Variants in JAKMIP1 observed in about 807,000 individuals in gnomAD.
JAKMIP1 encodes janus kinase and microtubule interacting protein 1, also known as janus kinase and microtubule-interacting protein 1.
In JAKMIP1, 33 loss-of-function variants were observed where a neutral mutation model predicts 113.0. The ratio of observed to expected loss-of-function variants is 0.29; its 90% CI spans 0.22 to 0.39. The LOEUF (loss-of-function observed/expected upper bound fraction) is 0.39, where lower values mean the gene tolerates loss of function less well. Ranked by LOEUF, JAKMIP1 falls within the 10% of genes least tolerant of loss-of-function variation. The probability of loss-of-function intolerance (pLI) is 1.00; values close to 1 mark genes in which losing one functional copy is unlikely to be tolerated. For synonymous variants in JAKMIP1, 480 were observed against 459.9 expected (o/e 1.04, Z -0.56); for missense variants, 813 against 1,080.5 (o/e 0.75, Z 3.47).
intron 3 of JAKMIP1, among the ~76,000 whole-genome samples, chr4:6,092,710 C>A (rs1037366828): frequency 3.9e-5 from 6 of 152,164 alleles, no homozygotes; most frequent in African/African-American, 1.4e-4. Flanking sequence ...AATAGAAAAC[C>A]TTTTCAGTGT....
chr4:6,077,649 A>AT (rs1460397453), intron 8 of JAKMIP1, among the ~76,000 whole-genome samples: 2 of 151,492 alleles, frequency 1.3e-5, no homozygotes, highest in East Asian at 1.9e-4. Context: ...CATCCAGCTA[A>AT]TTTTTTTAAT....
At chr4:6,073,594 G>C (rs2108807659) in intron 8 of JAKMIP1, among the ~76,000 whole-genome samples, 1 of 152,292 alleles carries the variant, frequency 6.6e-6, no homozygotes, top group African/African-American at 2.4e-5. Flanking sequence ...GAAAGTTATT[G>C]AGCTATAAGG....
intron 1 of JAKMIP1, among the ~76,000 whole-genome samples, chr4:6,170,332 T>C (rs1329165763): frequency 6.1e-4 from 30 of 48,862 alleles, no homozygotes; most frequent in African/African-American, 8.6e-4. Flanking sequence ...TCACCACCAC[T>C]CTCCCCACCC....
chr4:6,151,093 C>T (rs972383834), intron 1 of JAKMIP1, among the ~76,000 whole-genome samples: 3 of 152,188 alleles, frequency 2.0e-5, no homozygotes, highest in African/African-American at 7.2e-5. Context: ...GGCCCAAGTA[C>T]TCTGGTCTGG....
chr4:6,050,428 C>A lies in JAKMIP1; in HGVS notation c.1908+150G>T. 1.6e-6 allele frequency: 1 copy of A among 629,900 alleles called. No individual in the cohort carries two copies. The highest frequency in any genetic ancestry group is 2.8e-6 in the Non-Finnish European group (1 of 354,848). 39.0% of individuals were successfully genotyped at this position (629,900 alleles called of 1,614,324 possible). A position where few individuals can be genotyped will look rare whatever the true frequency, so the allele number is the denominator to read the frequency against. On this transcript the variant is annotated intron_variant, in intron 14 of 20. Coordinates refer to ENST00000409021, the MANE Select transcript of JAKMIP1 (RefSeq NM_001099433.2). This position sits in a 1 kb window ranked among gnomAD's most constrained non-coding sequence, Gnocchi z 7.4. ...GTCAAAATAGAGTCACATTTGGTGACCCTTTAATAAATGGACAAACTGTGA... is the reference window on the plus strand; with the variant it reads ...GTCAAAATAGAGTCACATTTGGTGAACCTTTAATAAATGGACAAACTGTGA...
chr4:6,099,463 CTG>C (rs1388154147), intron 3 of JAKMIP1, among the ~76,000 whole-genome samples: 1 of 152,260 alleles, frequency 6.6e-6, no homozygotes, highest in East Asian at 1.9e-4. Context: ...GACTGAAGGA[CTG>C]TGCGAGAGCA....
At chr4:6,126,629 C>G (rs1225768213) in intron 1 of JAKMIP1, among the ~76,000 whole-genome samples, 1 of 144,250 alleles carries the variant, frequency 6.9e-6, no homozygotes, top group African/African-American at 2.5e-5. Flanking sequence ...CACACACACA[C>G]AAACACACAC....
At chr4:6,028,309 A>T (rs1712127379) in intron 20 of JAKMIP1, among the ~76,000 whole-genome samples, 1 of 152,182 alleles carries the variant, frequency 6.6e-6, no homozygotes, top group Non-Finnish European at 1.5e-5. Context: ...AATCAGCTAA[A>T]ACTGGGGTTC....
intron 12 of JAKMIP1, chr4:6,054,817 T>G (rs1716136896): frequency 4.4e-6 from 2 of 456,548 alleles, no homozygotes; most frequent in Non-Finnish European, 8.8e-6. Context: ...AAATAACGCA[T>G]GTACACGAGG....
intron 1 of JAKMIP1, among the ~76,000 whole-genome samples, chr4:6,121,872 A>G (rs1244817461): frequency 1.3e-5 from 2 of 152,268 alleles, no homozygotes; most frequent in Non-Finnish European, 2.9e-5. Flanking sequence ...ACCTGTGGGC[A>G]TCACTCTGCC....
At position 6,149,400 on chromosome 4, in the gene JAKMIP1, C is replaced by A. The variant is rs558884186; in HGVS notation, c.-147-36403G>T. 2.4e-3 allele frequency among the ~76,000 whole-genome samples: 361 copies of A among 152,256 alleles called. 1 individual carries two copies. The highest frequency in any genetic ancestry group is 4.2e-3 in the Non-Finnish European group (283 of 68,012). On this transcript the variant is annotated intron_variant, in intron 1 of 20. Transcript: ENST00000409021. ...GCCCACCCAGGCCACCCACAGCTGA[C>A]CCTCGCCATCTGTCGTAGGAGAAAC...
Position 6,192,410 on chromosome 4 carries a change from A to G in JAKMIP1, c.-148+7843T>C, listed in dbSNP as rs1405327632. Among the ~76,000 whole-genome samples, 2 of 152,070 alleles carry G rather than the reference A, an allele frequency of 1.3e-5. No individual in the cohort carries two copies. Among genetic ancestry groups the G allele is most frequent in the African/African-American group, 4.8e-5 (2 of 41,392 alleles). On this transcript the variant is annotated intron_variant, in intron 1 of 20. Transcript: ENST00000409021. The surrounding 1 kb of genome is among the most constrained non-coding windows in gnomAD (Gnocchi z 5.0). ...ATTAGGAAACTCATTCACAATCACAATGACCATGACTTCCACAAGTAACAC... is the reference window on the plus strand; with the variant it reads ...ATTAGGAAACTCATTCACAATCACAGTGACCATGACTTCCACAAGTAACAC...
At chr4:6,105,224 C>T (rs978055734) in intron 3 of JAKMIP1, among the ~76,000 whole-genome samples, 9 of 152,192 alleles carry the variant, frequency 5.9e-5, no homozygotes, top group African/African-American at 1.9e-4. Context: ...TACGCTATCA[C>T]GAGGCATTTG....
At position 6,061,521 on chromosome 4, in the gene JAKMIP1, G is replaced by A. The variant is rs1717280207; in HGVS notation, c.1560+791C>T. On this transcript the variant is annotated intron_variant, in intron 10 of 20. Coordinates refer to ENST00000409021, the MANE Select transcript of JAKMIP1 (RefSeq NM_001099433.2). The surrounding 1 kb of genome is among the most constrained non-coding windows in gnomAD (Gnocchi z 5.3). The stretch of plus-strand genomic sequence containing the variant: ...ATCCATTTGTGGAATTCCCAAACAG[G>A]GCTCTGAGAAAGAGCACAGGCCCTG... Among the ~76,000 whole-genome samples, 3 of 152,178 alleles carry A rather than the reference G, an allele frequency of 2.0e-5. No individual in the cohort carries two copies.
chr4:6,170,585 C>CACCCCCAG (rs1724443855), intron 1 of JAKMIP1, among the ~76,000 whole-genome samples: 1 of 150,310 alleles, frequency 6.7e-6, no homozygotes, highest in Non-Finnish European at 1.5e-5. Context: ...ACCATTACAC[C>CACCCCCAG]CACCATTGTC....
At chr4:6,035,859 C>T (rs1713356484) in intron 19 of JAKMIP1, 45 bp downstream of exon 19, 3 of 1,498,866 alleles carry the variant, frequency 2.0e-6, no homozygotes, top group Non-Finnish European at 2.7e-6. Context: ...CACAGGACAA[C>T]AAGGGTGCCG....
In JAKMIP1 at chr4:6,036,049, C is replaced by T. The variant is rs909047522; in HGVS notation, c.2234G>A (p.Arg745Lys). 1.9e-6 allele frequency: 3 copies of T among 1,556,008 alleles called. No homozygotes were observed. The highest frequency in any genetic ancestry group is 2.7e-5 in the African/African-American group (2 of 73,418). Reference sequence around the variant, plus strand: ...GCCCTCGCTCAGCGCCTCACCGGCCCTCCGCCCCGGCTCCTGCTGCAGCGC... The same window carrying T: ...GCCCTCGCTCAGCGCCTCACCGGCCTTCCGCCCCGGCTCCTGCTGCAGCGC... ...YTALQQEPGRRAGEALSEGQR... is the reference protein window; with the variant it reads ...YTALQQEPGRKAGEALSEGQR... The change falls in exon 19 of 21, where the codon AGG (arginine) becomes AAG (lysine). Residue 745 changes from arginine to lysine, a missense_variant. This residue lies in a region of JAKMIP1 where 273 missense variants were observed against 426.6 expected (regional missense o/e 0.64). Coordinates refer to ENST00000409021, the MANE Select transcript of JAKMIP1 (RefSeq NM_001099433.2).
intron 3 of JAKMIP1, among the ~76,000 whole-genome samples, chr4:6,101,038 A>G (rs1461105305): frequency 6.6e-6 from 1 of 152,090 alleles, no homozygotes; most frequent in East Asian, 1.9e-4. Flanking sequence ...ATGAACAATG[A>G]TTATTTCATG....
At chr4:6,037,366 G>A (rs35078561) in intron 18 of JAKMIP1, among the ~76,000 whole-genome samples, 1 of 114,950 alleles carries the variant, frequency 8.7e-6, no homozygotes, top group Non-Finnish European at 1.6e-5. Flanking sequence ...CTCCATCACC[G>A]AGGCAGAGGC....
Sources: allele counts gnomAD v4.1 joint callset (sites outside exome capture counted in the v4.1 genomes callset), GRCh38; gene constraint gnomAD v4.1.1; regional missense constraint gnomAD v4.1.1; non-coding constraint Gnocchi (gnomAD v3.1); transcripts MANE v1.5; gene names NCBI Gene and HGNC (gene_info 2026-07-23, HGNC 2026-07-21).